NPHP4: variants seen among roughly 807,000 people sequenced by gnomAD.
The protein encoded by NPHP4 is nephrocystin 4, also known as nephrocystin-4.
A neutral mutation model predicts 155.8 loss-of-function variants in NPHP4; 151 were observed. That is an observed-to-expected ratio of 0.97 (90% CI 0.85 to 1.11). NPHP4 has a LOEUF of 1.11. Ranked by LOEUF, NPHP4 falls within the 50% of genes least tolerant of loss-of-function variation. NPHP4 has a pLI of 0.00. For missense variants in NPHP4, 1,956 were observed against 1,925.7 expected (o/e 1.02, Z -0.29); for synonymous variants, 845 against 816.8 (o/e 1.03, Z -0.59).
rs928520068 is a variant in NPHP4, at chr1:5,889,399, A to G, written c.2304+1469T>C. On this transcript the variant is annotated intron_variant, in intron 17 of 29. Transcript: ENST00000378156. The surrounding 1 kb of genome is among the most constrained non-coding windows in gnomAD (Gnocchi z 4.2). ...TTTTAAAGTTACAAGATTTTATTTTAGAAAAGTGAAGCTTTAAATTTAATT... is the reference window on the plus strand; with the variant it reads ...TTTTAAAGTTACAAGATTTTATTTTGGAAAAGTGAAGCTTTAAATTTAATT... Among the ~76,000 whole-genome samples, 1 of 152,242 alleles carries G rather than the reference A, an allele frequency of 6.6e-6. No individual in the cohort carries two copies. The highest frequency in any genetic ancestry group is 2.4e-5 in the African/African-American group (1 of 41,464).
rs115761231 is a variant in NPHP4, at chr1:5,869,479, T to C, written c.3316-1583A>G. On this transcript the variant is annotated intron_variant, in intron 23 of 29. Transcript: ENST00000378156. ...TATATCTTGCTTTATAGTTTGATTT[T>C]TGACTTACTTGTTTTTAATTTTGAA... Among the ~76,000 whole-genome samples, 784 of 152,368 alleles carry C rather than the reference T, an allele frequency of 5.1e-3. 11 individuals carry two copies. The highest frequency in any genetic ancestry group is 0.017 in the African/African-American group (726 of 41,584).
intron 11 of NPHP4, among the ~76,000 whole-genome samples, chr1:5,911,549 C>G (rs1018634486): frequency 2.0e-5 from 3 of 152,216 alleles, no homozygotes; most frequent in South Asian, 2.1e-4. Context: ...TCCCCATCGT[C>G]TCAAATTTGC....
intron 18 of NPHP4, among the ~76,000 whole-genome samples, chr1:5,885,392 C>T (rs958461093): frequency 1.3e-5 from 2 of 152,056 alleles, no homozygotes; most frequent in Non-Finnish European, 2.9e-5. Flanking sequence ...AGCTCCCAGC[C>T]GAACCCATCC....
At position 5,978,297 on chromosome 1, in the gene NPHP4, T is replaced by G. The variant is rs1359314008; in HGVS notation, c.252A>C (p.Arg84Ser). 6.2e-7 allele frequency: 1 copy of G among 1,608,506 alleles called. No individual in the cohort carries two copies. Among genetic ancestry groups the G allele is most frequent in the Admixed American group, 1.7e-5 (1 of 59,268 alleles). The stretch of plus-strand genomic sequence containing the variant: ...CATTAAAGACGATCCTGGACGGCGG[T>G]CTCTTCGTCGGCTTCACTGTGGTTT... ...TWKTTVKPTK[R>S]PPSRIVFNEP... Residue 84 changes from arginine to serine, a missense_variant, in exon 3 of 30, where the codon AGA (arginine) becomes AGC (serine). Coordinates refer to ENST00000378156, the MANE Select transcript of NPHP4 (RefSeq NM_015102.5).
intron 16 of NPHP4, 88 bp downstream of exon 16, chr1:5,904,529 A>T (rs1570357571): frequency 1.9e-6 from 2 of 1,040,526 alleles, no homozygotes; most frequent in East Asian, 5.1e-5. Flanking sequence ...TAAACTTTTC[A>T]TAGTACCACT....
intron 21 of NPHP4, 29 bp from the exon 22 acceptor site, chr1:5,874,686 G>T (rs773171116): frequency 6.2e-7 from 1 of 1,605,668 alleles, no homozygotes; most frequent in Non-Finnish European, 8.5e-7. Flanking sequence ...AGGCGTCAGG[G>T]CAGTTCTTCC....
At chr1:5,980,050 C>A (rs772682163) in intron 2 of NPHP4, among the ~76,000 whole-genome samples, 12 of 152,142 alleles carry the variant, frequency 7.9e-5, no homozygotes, top group Non-Finnish European at 1.5e-4. Context: ...TGACCAGACA[C>A]CTCGGGCCAT....
intron 6 of NPHP4, among the ~76,000 whole-genome samples, chr1:5,953,620 A>G (rs1430946614): frequency 1.3e-5 from 2 of 152,262 alleles, no homozygotes; most frequent in African/African-American, 4.8e-5. Context: ...AGCAAAATAC[A>G]GCCTGAACGG....
chr1:5,879,591 T>A (rs747074525), intron 19 of NPHP4: 2 of 518,838 alleles, frequency 3.9e-6, no homozygotes, highest in Admixed American at 3.9e-5. Flanking sequence ...ACTGGCAGGG[T>A]TCCCACTTCT....
intron 9 of NPHP4, among the ~76,000 whole-genome samples, chr1:5,937,008 G>A (rs951961146): frequency 4.6e-5 from 7 of 152,228 alleles, no homozygotes; most frequent in Admixed American, 2.0e-4. Flanking sequence ...ATGACGAGGG[G>A]GCGGAGAACG....
chr1:5,864,746 C>T (rs1405172374), intron 27 of NPHP4: 1 of 542,816 alleles, frequency 1.8e-6, no homozygotes, highest in Non-Finnish European at 3.3e-6. Context: ...GCGCTGCCTC[C>T]GCAGACAGAA....
intron 3 of NPHP4, among the ~76,000 whole-genome samples, chr1:5,972,309 C>T (rs890376522): frequency 1.3e-5 from 2 of 152,248 alleles, no homozygotes; most frequent in South Asian, 2.1e-4. Context: ...ACTGCGGGTT[C>T]GGAGGGCTTC....
At chr1:5,984,763 CA>C (rs934255843) in intron 2 of NPHP4, among the ~76,000 whole-genome samples, 1 of 152,090 alleles carries the variant, frequency 6.6e-6, no homozygotes, top group Non-Finnish European at 1.5e-5. Context: ...TACCTTTTCA[CA>C]AATAAAAATA....
intron 6 of NPHP4, among the ~76,000 whole-genome samples, chr1:5,953,458 A>C (rs548367808): frequency 6.6e-6 from 1 of 152,296 alleles, no homozygotes; most frequent in East Asian, 1.9e-4. Flanking sequence ...GAGAAGGCAA[A>C]GTGACACGTG....
chr1:5,953,189 C>T (rs1648523587), intron 6 of NPHP4, among the ~76,000 whole-genome samples: 1 of 152,210 alleles, frequency 6.6e-6, no homozygotes, highest in Admixed American at 6.5e-5. Context: ...TCACTGCAAC[C>T]TCCGCCTCCA....
intron 11 of NPHP4, among the ~76,000 whole-genome samples, chr1:5,924,084 T>C (rs1645879421): frequency 6.6e-6 from 1 of 152,142 alleles, no homozygotes; most frequent in Non-Finnish European, 1.5e-5. Context: ...AAAACTATAA[T>C]ATCTGAGATG....
chr1:5,917,820 C>T (rs114398063), intron 11 of NPHP4, among the ~76,000 whole-genome samples: 4,235 of 152,128 alleles, frequency 0.028, 192 homozygotes, highest in African/African-American at 0.097. Flanking sequence ...TGGGAGGCCA[C>T]GTGGCTACTT....
intron 9 of NPHP4, among the ~76,000 whole-genome samples, chr1:5,934,961 G>A (rs1446638190): frequency 6.6e-6 from 1 of 152,158 alleles, no homozygotes; most frequent in Non-Finnish European, 1.5e-5. Flanking sequence ...CAGTGTCACT[G>A]CCCAGACTGC....
chr1:5,890,143 G>A lies in NPHP4; in HGVS notation c.2304+725C>T, dbSNP rs1328237989. ...GTGTCAGGAATCCAGGAGGAAAGCA[G>A]CTATGCGGCACTCAAGAAAAGTGGG... On this transcript the variant is annotated intron_variant, in intron 17 of 29. Coordinates refer to ENST00000378156, the MANE Select transcript of NPHP4 (RefSeq NM_015102.5). This position sits in a 1 kb window ranked among gnomAD's most constrained non-coding sequence, Gnocchi z 4.9. Among the ~76,000 whole-genome samples, 2 of 152,164 alleles carry A rather than the reference G, an allele frequency of 1.3e-5. No homozygotes were observed. Among genetic ancestry groups the A allele is most frequent in the African/African-American group, 4.8e-5 (2 of 41,410 alleles).
Sources: allele counts gnomAD v4.1 joint callset (sites outside exome capture counted in the v4.1 genomes callset), GRCh38; gene constraint gnomAD v4.1.1; non-coding constraint Gnocchi (gnomAD v3.1); transcripts MANE v1.5; gene names NCBI Gene and HGNC (gene_info 2026-07-23, HGNC 2026-07-21).